Variants in RALYL observed in about 807,000 individuals in gnomAD.
RALYL encodes RALY RNA binding protein like.
A neutral mutation model predicts 35.1 loss-of-function variants in RALYL; 29 were observed. The ratio of observed to expected loss-of-function variants is 0.83; its 90% confidence interval spans 0.61 to 1.13. The LOEUF (loss-of-function observed/expected upper bound fraction) is 1.13, where lower values mean the gene tolerates loss of function less well. RALYL is among the 50% of genes most tolerant of loss of function. The pLI, the probability that RALYL is intolerant of heterozygous loss-of-function variation, is 0.00. For missense variants in RALYL, 359 were observed against 360.4 expected (o/e 1.00, Z 0.03); for synonymous variants, 120 against 127.6 (o/e 0.94, Z 0.40).
intron 1 of RALYL, among the ~76,000 whole-genome samples, chr8:84,340,702 T>C (rs1402272599): frequency 6.6e-6 from 1 of 152,096 alleles, no homozygotes; most frequent in African/African-American, 2.4e-5. Flanking sequence ...ATAATACATT[T>C]TTTAAATTCA....
chr8:84,811,916 T>C (rs1825990492), intron 4 of RALYL, among the ~76,000 whole-genome samples: 1 of 152,170 alleles, frequency 6.6e-6, no homozygotes, highest in Non-Finnish European at 1.5e-5. Flanking sequence ...TTCACTTTTT[T>C]TGGACTTCCT....
At chr8:84,514,079 G>A (rs1376251205) in intron 1 of RALYL, among the ~76,000 whole-genome samples, 7 of 110,060 alleles carry the variant, frequency 6.4e-5, no homozygotes, top group African/African-American at 2.5e-4. Context: ...GGGTGACAGT[G>A]AGATTTCATC....
intron 1 of RALYL, among the ~76,000 whole-genome samples, chr8:84,477,493 A>T (rs1207254974): frequency 3.3e-5 from 5 of 149,640 alleles, no homozygotes; most frequent in Non-Finnish European, 5.9e-5. Context: ...GAATTTATAT[A>T]TACATTCAAT....
intron 1 of RALYL, among the ~76,000 whole-genome samples, chr8:84,240,493 A>T (rs1376988085): frequency 6.6e-6 from 1 of 152,234 alleles, no homozygotes; most frequent in Non-Finnish European, 1.5e-5. Context: ...TTCAAATAAC[A>T]TGCATTCTTG....
At chr8:84,906,832 TC>T (rs747226471) in intron 8 of RALYL, 3 of 377,182 alleles carry the variant, frequency 8.0e-6, no homozygotes, top group Non-Finnish European at 1.1e-5. Flanking sequence ...CCCAGCTGGT[TC>T]TCCCCTCATT....
intron 2 of RALYL, among the ~76,000 whole-genome samples, chr8:84,668,175 A>C (rs1322278465): frequency 1.3e-5 from 2 of 152,132 alleles, no homozygotes; most frequent in Non-Finnish European, 2.9e-5. Context: ...ACAATCAGGA[A>C]ATGCTTACTG....
At chr8:84,843,718 T>C (rs748591051) in intron 4 of RALYL, among the ~76,000 whole-genome samples, 1 of 152,154 alleles carries the variant, frequency 6.6e-6, no homozygotes. Flanking sequence ...CTTCAAACTA[T>C]ACTACAAGAC....
chr8:84,545,683 A>G (rs1449946021), intron 2 of RALYL, among the ~76,000 whole-genome samples: 8 of 152,162 alleles, frequency 5.3e-5, no homozygotes. Flanking sequence ...GTTAGCATAA[A>G]TAGAGTATTT....
intron 8 of RALYL, among the ~76,000 whole-genome samples, chr8:84,911,506 A>C (rs1352286513): frequency 6.6e-6 from 1 of 152,160 alleles, no homozygotes; most frequent in Non-Finnish European, 1.5e-5. Context: ...CTCACAACAC[A>C]GAACACTTCT....
intron 1 of RALYL, among the ~76,000 whole-genome samples, chr8:84,383,307 T>C (rs1858410687): frequency 6.6e-6 from 1 of 151,516 alleles, no homozygotes; most frequent in South Asian, 2.1e-4. Flanking sequence ...GAAAAGAGGG[T>C]CTTTTATGGG....
chr8:84,237,426 T>G (rs1326083775), intron 1 of RALYL, among the ~76,000 whole-genome samples: 2 of 151,864 alleles, frequency 1.3e-5, no homozygotes, highest in African/African-American at 4.8e-5. Context: ...GGCTGAGAGG[T>G]GAAGGGAATA....
intron 1 of RALYL, among the ~76,000 whole-genome samples, chr8:84,401,891 AC>A (rs201921804): frequency 0.037 from 4,448 of 120,992 alleles, 219 homozygotes; most frequent in African/African-American, 0.14. Context: ...TGCCTCAAGC[AC>A]CTTTCTAGTT....
At position 84,360,479 on chromosome 8, in the gene RALYL, A is replaced by C. The variant is rs1291635817; in HGVS notation, c.-23-168820A>C. Among the ~76,000 whole-genome samples, 6 of 152,212 alleles carry C rather than the reference A, an allele frequency of 3.9e-5. No homozygotes were observed. In the East Asian group the frequency reaches 1.2e-3, roughly 29 times the overall value. ...TGAGAAAGACACTGAAAAGTTCAAG[A>C]AAGTTCTAATGTGTTATTCATTCCA... On this transcript the variant is annotated intron_variant, in intron 1 of 8. Transcript: ENST00000521268.
At chr8:84,367,698 C>T (rs1339323035) in intron 1 of RALYL, among the ~76,000 whole-genome samples, 1 of 152,034 alleles carries the variant, frequency 6.6e-6, no homozygotes, top group Admixed American at 6.6e-5. Flanking sequence ...CCATACTTTT[C>T]TTCCATTAAG....
chr8:84,552,359 T>TATA (rs1554718661), intron 2 of RALYL, among the ~76,000 whole-genome samples: 21 of 35,144 alleles, frequency 6.0e-4, no homozygotes, highest in African/African-American at 2.5e-3. Flanking sequence ...TATATATATA[T>TATA]TTTTTTTTTT....
At chr8:84,858,049 T>C (rs1472021421) in intron 5 of RALYL, among the ~76,000 whole-genome samples, 1 of 152,096 alleles carries the variant, frequency 6.6e-6, no homozygotes, top group Non-Finnish European at 1.5e-5. Context: ...CAAATGTCCT[T>C]ATTCTTCCTA....
At chr8:84,426,849 T>A (rs990288654) in intron 1 of RALYL, among the ~76,000 whole-genome samples, 5 of 152,274 alleles carry the variant, frequency 3.3e-5, no homozygotes, top group African/African-American at 1.2e-4. Flanking sequence ...TCTTGCATGC[T>A]GTTGGTGGCA....
At chr8:84,486,189 T>C (rs950032038) in intron 1 of RALYL, among the ~76,000 whole-genome samples, 1 of 151,048 alleles carries the variant, frequency 6.6e-6, no homozygotes, top group African/African-American at 2.4e-5. Flanking sequence ...AACAAGAATA[T>C]AATTAATAAT....
Position 84,713,864 on chromosome 8 carries a change from G to GAT in RALYL, c.257-60704_257-60703dup, listed in dbSNP as rs757072101. 1.3e-3 allele frequency among the ~76,000 whole-genome samples: 203 copies of GAT among 150,420 alleles called. 2 individuals carry two copies. Among genetic ancestry groups the GAT allele is most frequent in the African/African-American group, 4.5e-3 (183 of 41,096 alleles). Reference sequence around the variant, plus strand: ...CATCCACAGATAGGATAAAATATATGATATATATATATCTCATATAATATA... The same window carrying GAT: ...CATCCACAGATAGGATAAAATATATGATATATATATATATCTCATATAATATA... On this transcript the variant is annotated intron_variant, in intron 2 of 8. Coordinates refer to ENST00000521268, the MANE Select transcript of RALYL (RefSeq NM_173848.7).
Sources: allele counts gnomAD v4.1 joint callset (sites outside exome capture counted in the v4.1 genomes callset), GRCh38; gene constraint gnomAD v4.1.1; transcripts MANE v1.5; gene names NCBI Gene and HGNC (gene_info 2026-07-23, HGNC 2026-07-21).